Variants in DNAAF11 observed in about 807,000 individuals in gnomAD.
DNAAF11 encodes dynein axonemal assembly factor 11.
DNAAF11 carries 45 observed loss-of-function variants against 60.8 expected under a neutral mutation model. That is an observed-to-expected ratio of 0.74 (90% CI 0.58 to 0.95). The LOEUF is 0.95. Ranked by LOEUF, DNAAF11 falls within the 40% of genes least tolerant of loss-of-function variation. DNAAF11 has a pLI of 0.00. For synonymous variants in DNAAF11, 191 were observed against 183.5 expected, an observed-to-expected ratio of 1.04 and a Z score of -0.33; for missense variants, 546 against 546.2, an observed-to-expected ratio of 1.00 and a Z score of 0.00.
chr8:132,649,760 T>A lies in DNAAF11; in HGVS notation c.256+7070A>T, dbSNP rs564178456. 5.3e-5 allele frequency among the ~76,000 whole-genome samples: 8 copies of A among 152,276 alleles called. No homozygotes were observed. In the South Asian group the frequency reaches 1.5e-3, roughly 28 times the overall value. ...GACATTTATGCAGCCAACAGACGCA[T>A]GAAAAAATGCTCATCATCACTGGCC... is the stretch of plus-strand genomic sequence containing the variant. On this transcript the variant is annotated intron_variant, in intron 3 of 11. Coordinates refer to ENST00000620350, the MANE Select transcript of DNAAF11 (RefSeq NM_012472.6).
At chr8:132,701,598 G>A in the DNAAF11 span, among the ~76,000 whole-genome samples, 1 of 152,186 alleles carries the variant, frequency 6.6e-6, no homozygotes, top group African/African-American at 2.4e-5. Context: ...CAAAAAATAA[G>A]GGAGGAAGAA....
At chr8:132,643,784 TAGA>T in intron 3 of DNAAF11, 1 of 451,278 alleles carries the variant, frequency 2.2e-6, no homozygotes, top group East Asian at 7.0e-5. Flanking sequence ...ACACTTGTAA[TAGA>T]AGAAGCAAAG....
chr8:132,583,355 A>C (rs1453874630), intron 11 of DNAAF11, among the ~76,000 whole-genome samples: 1 of 152,152 alleles, frequency 6.6e-6, no homozygotes, highest in African/African-American at 2.4e-5. Flanking sequence ...GAGCATAAAA[A>C]TTATGAGGAT....
intron 1 of DNAAF11, among the ~76,000 whole-genome samples, chr8:132,674,123 G>A (rs368282647): frequency 0.051 from 6,316 of 124,472 alleles, 276 homozygotes; most frequent in Non-Finnish European, 0.058. Flanking sequence ...AGGAGGAGGA[G>A]GAGGAGGAGG....
At chr8:132,633,681 G>A (rs566337135) in intron 4 of DNAAF11, among the ~76,000 whole-genome samples, 1 of 152,246 alleles carries the variant, frequency 6.6e-6, no homozygotes, top group South Asian at 2.1e-4. Flanking sequence ...GTGTGATTAG[G>A]TTAAGGATCT....
chr8:132,647,975 CAGA>C (rs1822577231), intron 3 of DNAAF11, among the ~76,000 whole-genome samples: 1 of 152,084 alleles, frequency 6.6e-6, no homozygotes, highest in Non-Finnish European at 1.5e-5. Context: ...TTCCAATCAA[CAGA>C]AGAAGAGGGA....
chr8:132,701,753 T>G, the DNAAF11 span, among the ~76,000 whole-genome samples: 2 of 152,188 alleles, frequency 1.3e-5, no homozygotes, highest in Admixed American at 1.3e-4. Flanking sequence ...ACTGGTGCAG[T>G]GTGACAGCTG....
chr8:132,635,820 C>T (rs922458678), intron 4 of DNAAF11, among the ~76,000 whole-genome samples: 1 of 152,134 alleles, frequency 6.6e-6, no homozygotes, highest in Admixed American at 6.5e-5. Flanking sequence ...AGGTGGGCCC[C>T]AAGCCAATAT....
intron 11 of DNAAF11, among the ~76,000 whole-genome samples, chr8:132,572,747 C>T (rs1395937703): frequency 6.6e-6 from 1 of 151,566 alleles, no homozygotes; most frequent in South Asian, 2.1e-4. Context: ...GGAGACGTCA[C>T]CTGTGAAACT....
chr8:132,573,119 T>C (rs35455242), intron 11 of DNAAF11, among the ~76,000 whole-genome samples: 24,187 of 151,976 alleles, frequency 0.16, 2,972 homozygotes, highest in African/African-American at 0.35. Flanking sequence ...TAGATACAGA[T>C]ATAGATATAG....
chr8:132,701,248 A>G, the DNAAF11 span, among the ~76,000 whole-genome samples: 6 of 152,344 alleles, frequency 3.9e-5, no homozygotes, highest in Admixed American at 3.3e-4. Flanking sequence ...ACAAATGTTC[A>G]CTACAAATAC....
At chr8:132,606,576 G>A (rs1818157168) in intron 10 of DNAAF11, among the ~76,000 whole-genome samples, 1 of 152,170 alleles carries the variant, frequency 6.6e-6, no homozygotes. Flanking sequence ...GACCTCCTAG[G>A]CTCAATGTAG....
chr8:132,572,934 A>C (rs1814361027), intron 11 of DNAAF11, among the ~76,000 whole-genome samples: 1 of 152,108 alleles, frequency 6.6e-6, no homozygotes, highest in Admixed American at 6.5e-5. Context: ...AGGGGCATCT[A>C]CACGGCAAGT....
chr8:132,681,318 C>CTTT, the DNAAF11 span, among the ~76,000 whole-genome samples: 337 of 129,060 alleles, frequency 2.6e-3, 1 homozygote, highest in Non-Finnish European at 4.2e-3. Flanking sequence ...CCAACCATTC[C>CTTT]TTTTTTTTTT....
Position 132,606,258 on chromosome 8 carries a change from A to T in DNAAF11, c.1140+3908T>A, listed in dbSNP as rs544811046. On this transcript the variant is annotated intron_variant, in intron 10 of 11. Transcript: ENST00000620350. ...ATAAATGACTATGTTACTGGTTTATATGTTTAATTGTACTATACTTTTTAT... is the reference window on the plus strand; with the variant it reads ...ATAAATGACTATGTTACTGGTTTATTTGTTTAATTGTACTATACTTTTTAT... 2.6e-5 allele frequency among the ~76,000 whole-genome samples: 4 copies of T among 152,270 alleles called. No individual in the cohort carries two copies. The South Asian group carries it at 8.3e-4, about 32-fold the overall frequency.
At chr8:132,612,568 C>T (rs1042853903) in intron 8 of DNAAF11, among the ~76,000 whole-genome samples, 7 of 152,152 alleles carry the variant, frequency 4.6e-5, no homozygotes, top group Non-Finnish European at 1.0e-4. Flanking sequence ...AACACTGTCC[C>T]TCTCCTTGAC....
intron 11 of DNAAF11, among the ~76,000 whole-genome samples, chr8:132,580,424 G>A (rs58923737): frequency 0.19 from 29,175 of 152,076 alleles, 3,033 homozygotes; most frequent in African/African-American, 0.26. Flanking sequence ...AAAGTTGCTG[G>A]CTACAAAATC....
At position 132,651,846 on chromosome 8, in the gene DNAAF11, C is replaced by T. The variant is rs144004122; in HGVS notation, c.256+4984G>A. Among the ~76,000 whole-genome samples, 506 of 152,126 alleles carry T rather than the reference C, an allele frequency of 3.3e-3. 5 individuals are homozygous for T. The highest frequency in any genetic ancestry group is 0.012 in the African/African-American group (483 of 41,490). On this transcript the variant is annotated intron_variant, in intron 3 of 11. Transcript: ENST00000620350. Reference sequence around the variant, plus strand: ...CCATTTGTTCACAGGAGAACAGGGCCGTAAAACGTTAGCTGGGAGAGAGCA... The same window carrying T: ...CCATTTGTTCACAGGAGAACAGGGCTGTAAAACGTTAGCTGGGAGAGAGCA...
chr8:132,591,111 T>C (rs548793000), intron 10 of DNAAF11, among the ~76,000 whole-genome samples: 1 of 152,336 alleles, frequency 6.6e-6, no homozygotes, highest in East Asian at 1.9e-4. Context: ...AATTTAGAAT[T>C]ATTAAGTCAT....
Sources: allele counts gnomAD v4.1 joint callset (sites outside exome capture counted in the v4.1 genomes callset), GRCh38; gene constraint gnomAD v4.1.1; transcripts MANE v1.5; gene names NCBI Gene and HGNC (gene_info 2026-07-23, HGNC 2026-07-21).